NDST4: variants seen among roughly 807,000 people sequenced by gnomAD.
NDST4 encodes the protein N-deacetylase and N-sulfotransferase 4, also known as N-heparan sulfate sulfotransferase 4.
In NDST4, 63 loss-of-function variants were observed where a neutral mutation model predicts 100.8. The ratio of observed to expected loss-of-function variants is 0.62; its 90% CI spans 0.51 to 0.77. The LOEUF (loss-of-function observed/expected upper bound fraction) is 0.77, where lower values mean the gene tolerates loss of function less well. Among genes scored for constraint, NDST4 ranks in the 30% least tolerant of loss-of-function variants. The pLI, the probability that NDST4 is intolerant of heterozygous loss-of-function variation, is 0.00. For synonymous variants in NDST4, 377 were observed against 361.8 expected (o/e 1.04, Z -0.48); for missense variants, 943 against 1,018.4 (o/e 0.93, Z 1.01).
Position 115,085,032 on chromosome 4 carries a change from G to A in NDST4, c.-246-7750C>T, listed in dbSNP as rs575809057. ...TGTGAAAGCAGATGTGAGGGGGGCT[G>A]TACCCTGAAAAGCTACAGGGGTGGA... On this transcript the variant is annotated intron_variant, in intron 1 of 13. Transcript: ENST00000264363. 3.3e-5 allele frequency among the ~76,000 whole-genome samples: 5 copies of A among 152,324 alleles called. No individual in the cohort carries two copies. In the South Asian group the frequency reaches 6.2e-4, roughly 19 times the overall value.
At chr4:114,897,416 T>C (rs1724739295) in intron 6 of NDST4, among the ~76,000 whole-genome samples, 1 of 152,192 alleles carries the variant, frequency 6.6e-6, no homozygotes, top group Admixed American at 6.5e-5. Context: ...AACTCATTTC[T>C]TTTTGGCACT....
At chr4:115,100,208 T>A (rs1158350034) in intron 1 of NDST4, among the ~76,000 whole-genome samples, 1 of 152,162 alleles carries the variant, frequency 6.6e-6, no homozygotes, top group Admixed American at 6.6e-5. Flanking sequence ...TTTAGGGTAG[T>A]GAAATTTTTC....
At chr4:114,906,011 C>T (rs1466892763) in intron 6 of NDST4, among the ~76,000 whole-genome samples, 1 of 151,848 alleles carries the variant, frequency 6.6e-6, no homozygotes, top group African/African-American at 2.4e-5. Flanking sequence ...TATTGGTTTA[C>T]ATTAACGAGG....
intron 1 of NDST4, among the ~76,000 whole-genome samples, chr4:115,077,738 G>A (rs763268315): frequency 4.6e-5 from 7 of 152,118 alleles, no homozygotes; most frequent in Non-Finnish European, 8.8e-5. Flanking sequence ...ATTCCCAGCT[G>A]ACTAAATAAA....
chr4:114,952,642 T>C (rs1025804031), intron 4 of NDST4, among the ~76,000 whole-genome samples: 1 of 152,162 alleles, frequency 6.6e-6, no homozygotes, highest in Non-Finnish European at 1.5e-5. Flanking sequence ...CTTTATGTTG[T>C]AAGTTTGGTG....
At chr4:114,932,003 C>A (rs1205222607) in intron 6 of NDST4, among the ~76,000 whole-genome samples, 2 of 151,792 alleles carry the variant, frequency 1.3e-5, no homozygotes, top group Non-Finnish European at 3.0e-5. Context: ...ATGAGGTTAG[C>A]ATTACCCTGA....
At chr4:114,916,692 A>AT (rs1293954344) in intron 6 of NDST4, among the ~76,000 whole-genome samples, 41 of 144,198 alleles carry the variant, frequency 2.8e-4, no homozygotes, top group African/African-American at 1.0e-3. Context: ...TTTCTAAGTT[A>AT]TATTTTTTAT....
intron 4 of NDST4, among the ~76,000 whole-genome samples, chr4:114,937,891 C>T (rs1448746690): frequency 1.5e-5 from 2 of 133,102 alleles, no homozygotes; most frequent in African/African-American, 2.9e-5. Context: ...GTGTGTGTGG[C>T]GGGGGGCGGG....
intron 2 of NDST4, among the ~76,000 whole-genome samples, chr4:115,001,837 C>G (rs981393915): frequency 6.6e-6 from 1 of 152,064 alleles, no homozygotes; most frequent in African/African-American, 2.4e-5. Flanking sequence ...TTTTCATATT[C>G]ACTGTGTGCA....
intron 3 of NDST4, among the ~76,000 whole-genome samples, chr4:114,971,104 A>T (rs1476920749): frequency 1.3e-5 from 2 of 152,070 alleles, no homozygotes; most frequent in South Asian, 2.1e-4. Flanking sequence ...CAGTAAAAAC[A>T]TTTTTGTATT....
intron 2 of NDST4, among the ~76,000 whole-genome samples, chr4:115,066,267 G>A (rs1728944062): frequency 6.6e-6 from 1 of 152,222 alleles, no homozygotes; most frequent in East Asian, 1.9e-4. Flanking sequence ...ATTTTAAAAT[G>A]TACTTTTATA....
chr4:114,998,443 AC>A (rs1203936048), intron 2 of NDST4, among the ~76,000 whole-genome samples: 7 of 152,066 alleles, frequency 4.6e-5, no homozygotes, highest in Non-Finnish European at 1.0e-4. Context: ...ACACTGTGCA[AC>A]CCCATTAACT....
At chr4:115,062,909 T>C (rs1211095248) in intron 2 of NDST4, among the ~76,000 whole-genome samples, 4 of 151,904 alleles carry the variant, frequency 2.6e-5, no homozygotes, top group Non-Finnish European at 5.9e-5. Context: ...AAAATGTGTA[T>C]GGTAGGAACA....
At chr4:115,068,546 T>C (rs509591) in intron 2 of NDST4, among the ~76,000 whole-genome samples, 113,242 of 151,744 alleles carry the variant, frequency 0.75, 43,463 homozygotes, top group African/African-American at 0.93. Context: ...CGGTGGCTCA[T>C]GCCTGTAAAC....
At chr4:115,014,508 T>A (rs1309038207) in intron 2 of NDST4, among the ~76,000 whole-genome samples, 2 of 152,080 alleles carry the variant, frequency 1.3e-5, no homozygotes, top group Non-Finnish European at 2.9e-5. Context: ...TCCTCACTGA[T>A]GTGTGTTACT....
At chr4:115,037,693 G>A (rs770142807) in intron 2 of NDST4, among the ~76,000 whole-genome samples, 6 of 151,936 alleles carry the variant, frequency 3.9e-5, no homozygotes, top group African/African-American at 2.4e-5. Context: ...TAAATAGTTG[G>A]TTTGAGTAAC....
intron 1 of NDST4, among the ~76,000 whole-genome samples, chr4:115,100,582 A>T (rs950788094): frequency 6.6e-6 from 1 of 152,118 alleles, no homozygotes; most frequent in Admixed American, 6.6e-5. Flanking sequence ...ACAGTAGGAT[A>T]CATTTAAGAA....
At position 114,845,916 on chromosome 4, in the gene NDST4, T is replaced by G. The variant is rs1277223198; in HGVS notation, c.2022A>C (p.Glu674Asp). The G allele has an allele frequency of 6.2e-7, 1 of 1,614,090 alleles. No homozygotes were observed. Among genetic ancestry groups the G allele is most frequent in the South Asian group, 1.1e-5 (1 of 91,078 alleles). The change falls in exon 10 of 14, where the codon GAA becomes GAC. Residue 674 changes from glutamate to aspartate, a missense_variant. Coordinates refer to ENST00000264363, the MANE Select transcript of NDST4 (RefSeq NM_022569.3). ...GAGATGCGGCTCGTCTTGGAGCTTC[T>G]TCCGAATGGAAGTAATTAGCACTCT... ...FEKSANYFHS[E>D]EAPRRAASLV...
chr4:115,096,068 T>C (rs1403393345), intron 1 of NDST4, among the ~76,000 whole-genome samples: 1 of 151,942 alleles, frequency 6.6e-6, no homozygotes, highest in Non-Finnish European at 1.5e-5. Context: ...ATTATATTAA[T>C]TCTATTTTAT....
Sources: allele counts gnomAD v4.1 joint callset (sites outside exome capture counted in the v4.1 genomes callset), GRCh38; gene constraint gnomAD v4.1.1; transcripts MANE v1.5; gene names NCBI Gene and HGNC (gene_info 2026-07-23, HGNC 2026-07-21).